The following FCHO2 variants were observed in gnomAD, a reference collection of about 807,000 sequenced individuals.
The protein encoded by FCHO2 is FCH and mu domain containing endocytic adaptor 2.
In FCHO2, 43 loss-of-function variants were observed where a neutral mutation model predicts 114.1. The observed-to-expected ratio is 0.38, with a 90% CI of 0.30 to 0.49. The LOEUF is 0.49. Among genes scored for constraint, FCHO2 ranks in the 20% least tolerant of loss-of-function variants. The pLI, the probability that FCHO2 is intolerant of heterozygous loss-of-function variation, is 0.97. For synonymous variants in FCHO2, 293 were observed against 315.2 expected, an observed-to-expected ratio of 0.93 and a Z score of 0.75; for missense variants, 807 against 950.4, an observed-to-expected ratio of 0.85 and a Z score of 1.98.
At chr5:72,979,060 C>G (rs1350689236) in intron 2 of FCHO2, among the ~76,000 whole-genome samples, 1 of 152,058 alleles carries the variant, frequency 6.6e-6, no homozygotes, top group Admixed American at 6.6e-5. Flanking sequence ...AGATATTGGC[C>G]TGAAATTTTC....
intron 8 of FCHO2, among the ~76,000 whole-genome samples, chr5:73,025,367 C>G (rs932605938): frequency 6.7e-6 from 1 of 149,550 alleles, no homozygotes; most frequent in African/African-American, 2.5e-5. Flanking sequence ...CACCACCACA[C>G]CCAGCTAATT....
intron 20 of FCHO2, among the ~76,000 whole-genome samples, chr5:73,076,677 T>A (rs1742924045): frequency 6.6e-6 from 1 of 152,150 alleles, no homozygotes; most frequent in African/African-American, 2.4e-5. Context: ...GTTAGGTAGA[T>A]TTACTAGTGA....
intron 1 of FCHO2, among the ~76,000 whole-genome samples, chr5:72,959,202 G>A (rs551913856): frequency 3.3e-5 from 5 of 152,244 alleles, no homozygotes; most frequent in African/African-American, 9.6e-5. Flanking sequence ...ATTAACTTCC[G>A]AGAATTTATA....
At position 73,001,576 on chromosome 5, in the gene FCHO2, A is replaced by G. The variant is rs556623145; in HGVS notation, c.496-4869A>G. Among the ~76,000 whole-genome samples, 6 of 147,922 alleles carry G rather than the reference A, an allele frequency of 4.1e-5. No homozygotes were observed. In the South Asian group the frequency reaches 6.4e-4, roughly 16 times the overall value. Reference sequence around the variant, plus strand: ...ATTTTTTTTCTCCCTATCATCTTGTATTAAAGATGCTTCTTAAAGTTGATT... The same window carrying G: ...ATTTTTTTTCTCCCTATCATCTTGTGTTAAAGATGCTTCTTAAAGTTGATT... On this transcript the variant is annotated intron_variant, in intron 5 of 25. Coordinates refer to ENST00000430046, the MANE Select transcript of FCHO2 (RefSeq NM_138782.3).
intron 1 of FCHO2, among the ~76,000 whole-genome samples, chr5:72,965,936 A>G (rs1243280037): frequency 6.6e-6 from 1 of 152,182 alleles, no homozygotes; most frequent in Admixed American, 6.5e-5. Flanking sequence ...TGGTGTTTGC[A>G]GGATAGTACC....
chr5:72,985,442 A>G (rs1438904316), intron 2 of FCHO2, among the ~76,000 whole-genome samples: 1 of 152,070 alleles, frequency 6.6e-6, no homozygotes, highest in Admixed American at 6.6e-5. Flanking sequence ...GATTACAGAC[A>G]TGAGCCACCA....
intron 25 of FCHO2, 89 bp downstream of exon 25, chr5:73,087,842 C>A: frequency 6.7e-7 from 1 of 1,498,164 alleles, no homozygotes. Context: ...AATTTATAAT[C>A]TAAAGACATG....
intron 16 of FCHO2, among the ~76,000 whole-genome samples, chr5:73,058,060 G>T (rs961975445): frequency 1.3e-5 from 2 of 152,070 alleles, no homozygotes; most frequent in East Asian, 3.9e-4. Context: ...ACCCAGGCTG[G>T]AGTACAGTGG....
Position 73,063,900 on chromosome 5 carries a change from A to G in FCHO2, c.1405A>G (p.Arg469Gly). The change falls in exon 18 of 26, where the codon AGA (arginine) becomes GGA (glycine). Residue 469 changes from arginine (R) to glycine (G), a missense_variant. Arg to Gly is a moderately radical substitution (Grantham distance 125). Transcript: ENST00000430046. ...TGTCCCACCTCCGAGGCCTGCTTCC[A>G]GACCAAAGCTTACTTCAGGCAAACT... is the stretch of plus-strand genomic sequence containing the variant. ...TIVPPPRPAS[R>G]PKLTSGKLSG... 1 of 1,612,034 alleles carries G rather than the reference A, an allele frequency of 6.2e-7. No individual in the cohort carries two copies. Among genetic ancestry groups the G allele is most frequent in the African/African-American group, 1.3e-5 (1 of 74,948 alleles).
Position 73,037,288 on chromosome 5 carries a change from A to G in FCHO2, c.914+73A>G, listed in dbSNP as rs544209842. ...TTAAGAATAAGACTTTTGAATTTGG[A>G]AAGAAAAAAGTATTTTGGAAATAAC... On this transcript the variant is annotated intron_variant, in intron 10 of 25. Coordinates refer to ENST00000430046, the MANE Select transcript of FCHO2 (RefSeq NM_138782.3). 3.6e-4 allele frequency: 408 copies of G among 1,141,668 alleles called. 2 individuals are homozygous for G. The South Asian group carries it at 5.0e-3, about 14-fold the overall frequency. 70.7% of individuals were successfully genotyped at this position (1,141,668 alleles called of 1,614,324 possible).
chr5:73,010,901 A>G (rs973111109), intron 6 of FCHO2, among the ~76,000 whole-genome samples: 20 of 150,698 alleles, frequency 1.3e-4, no homozygotes, highest in South Asian at 2.1e-4. Flanking sequence ...AAAAAAAAAA[A>G]AGAGAGAATG....
intron 16 of FCHO2, among the ~76,000 whole-genome samples, chr5:73,056,370 G>A (rs1757594046): frequency 6.6e-6 from 1 of 152,258 alleles, no homozygotes; most frequent in South Asian, 2.1e-4. Flanking sequence ...AAATGTGTAA[G>A]GACATGTATT....
intron 5 of FCHO2, among the ~76,000 whole-genome samples, chr5:72,999,373 C>T (rs1240676380): frequency 2.8e-5 from 4 of 142,040 alleles, no homozygotes; most frequent in Non-Finnish European, 6.0e-5. Flanking sequence ...CACTCATTCA[C>T]AGGCCTTTTT....
At chr5:72,970,054 AGTT>A (rs1243304425) in intron 2 of FCHO2, among the ~76,000 whole-genome samples, 6 of 152,248 alleles carry the variant, frequency 3.9e-5, no homozygotes, top group East Asian at 1.9e-4. Flanking sequence ...CTCTATCTAC[AGTT>A]GTTCTTGTTT....
chr5:73,020,242 A>C (rs1435139231), intron 8 of FCHO2, among the ~76,000 whole-genome samples: 1 of 152,236 alleles, frequency 6.6e-6, no homozygotes, highest in African/African-American at 2.4e-5. Flanking sequence ...GACTAAGCAA[A>C]CAGTATGTTG....
chr5:73,033,306 C>T (rs977798230), intron 8 of FCHO2, among the ~76,000 whole-genome samples: 1 of 152,016 alleles, frequency 6.6e-6, no homozygotes, highest in African/African-American at 2.4e-5. Flanking sequence ...ACTTCTATGA[C>T]TGTTTTATTC....
intron 8 of FCHO2, among the ~76,000 whole-genome samples, chr5:73,023,630 G>T (rs1210108837): frequency 6.6e-6 from 1 of 151,806 alleles, no homozygotes; most frequent in African/African-American, 2.4e-5. Flanking sequence ...AACCCGGGAG[G>T]CAGAGGTTGC....
At chr5:73,081,599 T>G (rs568462982) in intron 22 of FCHO2, among the ~76,000 whole-genome samples, 184 bp from the exon 23 acceptor site, 33 of 152,308 alleles carry the variant, frequency 2.2e-4, no homozygotes, top group African/African-American at 7.9e-4. Flanking sequence ...TAAGTAGTAG[T>G]AGGTCCCCAC....
At chr5:72,990,644 AATTG>A (rs765347857) in intron 4 of FCHO2, 25 bp downstream of exon 4, 16 of 1,527,618 alleles carry the variant, frequency 1.0e-5, no homozygotes, top group South Asian at 3.8e-5. Flanking sequence ...CTTGTTAAAT[AATTG>A]ATTGGTCAGA....
Sources: gnomAD v4.1 joint callset for allele counts (sites outside exome capture counted in the v4.1 genomes callset) on GRCh38, gnomAD v4.1.1 for gene constraint, MANE v1.5 for transcripts, NCBI Gene and HGNC (gene_info 2026-07-23, HGNC 2026-07-21) for gene names.